Variants in PHF2 observed in about 807,000 individuals in gnomAD.
PHF2 encodes the protein PHD finger protein 2.
A neutral mutation model predicts 120.5 loss-of-function variants in PHF2; 27 were observed. That is an observed-to-expected ratio of 0.22 (90% CI 0.17 to 0.31). The LOEUF (loss-of-function observed/expected upper bound fraction) is 0.31. Ranked by LOEUF, PHF2 falls within the 10% of genes least tolerant of loss-of-function variation. The pLI is 1.00. For missense variants in PHF2, 1,024 were observed against 1,434.8 expected (o/e 0.71, Z 4.63); for synonymous variants, 568 against 592.5 (o/e 0.96, Z 0.60).
intron 1 of PHF2, among the ~76,000 whole-genome samples, chr9:93,623,091 A>G (rs1825851340): frequency 6.6e-6 from 1 of 152,098 alleles, no homozygotes; most frequent in Admixed American, 6.6e-5. Context: ...GGGTGTGGAC[A>G]TGGGGCATGG....
chr9:93,672,815 G>C (rs961729675), intron 17 of PHF2: 1 of 984,116 alleles, frequency 1.0e-6, no homozygotes, highest in Non-Finnish European at 1.2e-6. Context: ...TGCATGTATG[G>C]GTGTAGGTGT....
Position 93,660,481 on chromosome 9 carries a change from C to A in PHF2, c.1619C>A (p.Pro540His). ...AAGAAGTCCCGGGAGTCAGCCTCACCCACCATCCCCAACCTGGACCTGCTC... is the reference window on the plus strand; with the variant it reads ...AAGAAGTCCCGGGAGTCAGCCTCACACACCATCCCCAACCTGGACCTGCTC... ...KGKKSRESAS[P>H]TIPNLDLLEA... The change falls in exon 12 of 22, where the codon CCC (proline) becomes CAC (histidine). Residue 540 changes from proline to histidine, a missense_variant. Around this residue, in one of 2 missense-constraint regions of PHF2, gnomAD observed 677 missense variants for 857.4 expected, o/e 0.79. Transcript: ENST00000359246. 1.2e-6 allele frequency: 2 copies of A among 1,605,182 alleles called. No individual in the cohort carries two copies. Among genetic ancestry groups the A allele is most frequent in the South Asian group, 1.1e-5 (1 of 89,162 alleles).
intron 1 of PHF2, among the ~76,000 whole-genome samples, chr9:93,608,167 C>T (rs1024275135): frequency 5.9e-5 from 9 of 151,910 alleles, no homozygotes; most frequent in African/African-American, 2.2e-4. Flanking sequence ...TTGCCTTTTT[C>T]CTGATCTCAG....
At chr9:93,584,686 T>C (rs375285618) in intron 1 of PHF2, among the ~76,000 whole-genome samples, 39 of 152,348 alleles carry the variant, frequency 2.6e-4, no homozygotes, top group African/African-American at 9.1e-4. Context: ...AGTCCTCTGA[T>C]TTTATATTCT....
At chr9:93,643,369 G>T (rs779466400) in intron 3 of PHF2, among the ~76,000 whole-genome samples, 6 of 152,186 alleles carry the variant, frequency 3.9e-5, no homozygotes, top group Non-Finnish European at 8.8e-5. Flanking sequence ...GTGGATGGGA[G>T]GCCTTCCCTG....
chr9:93,619,096 C>G (rs1425332247), intron 1 of PHF2, among the ~76,000 whole-genome samples: 4 of 151,892 alleles, frequency 2.6e-5, no homozygotes, highest in Non-Finnish European at 5.9e-5. Context: ...GGTGGATCAC[C>G]CCCAGGCCTC....
chr9:93,663,697 C>T (rs1171486819), intron 14 of PHF2, 62 bp downstream of exon 14: 1 of 882,512 alleles, frequency 1.1e-6, no homozygotes, highest in East Asian at 2.4e-5. Flanking sequence ...ACACACCATA[C>T]ATACTGCATC....
At chr9:93,631,555 A>G (rs965086875) in intron 2 of PHF2, among the ~76,000 whole-genome samples, 3 of 152,200 alleles carry the variant, frequency 2.0e-5, no homozygotes, top group African/African-American at 7.2e-5. Flanking sequence ...AAACAGATAA[A>G]GGGTAGGAAG....
At chr9:93,627,134 A>T (rs927238847) in intron 1 of PHF2, among the ~76,000 whole-genome samples, 3 of 152,234 alleles carry the variant, frequency 2.0e-5, no homozygotes, top group Non-Finnish European at 4.4e-5. Context: ...CAGTTCATCC[A>T]CATGGAATAT....
chr9:93,651,363 C>T (rs1315763287), intron 5 of PHF2, among the ~76,000 whole-genome samples: 3 of 152,186 alleles, frequency 2.0e-5, no homozygotes, highest in African/African-American at 7.2e-5. Context: ...CCTTTCAGGG[C>T]CACCCCTTTG....
chr9:93,649,188 C>T lies in PHF2; in HGVS notation c.578C>T (p.Thr193Ile), dbSNP rs1295947095. 6.4e-7 allele frequency: 1 copy of T among 1,551,098 alleles called. No individual in the cohort carries two copies. Among genetic ancestry groups the T allele is most frequent in the Admixed American group, 2.0e-5 (1 of 50,940 alleles). Residue 193 changes from threonine to isoleucine, a missense_variant, in exon 5 of 22, where the codon ACC (threonine) becomes ATC (isoleucine). Thr to Ile is a moderately conservative substitution (Grantham distance 89). This residue lies in a region of PHF2 where 347 missense variants were observed against 577.4 expected (regional missense o/e 0.60). Transcript: ENST00000359246. The stretch of plus-strand genomic sequence containing the variant: ...AACCGCAAGCGGGTCCTCAACGTCA[C>T]CAACCTCGAGTTCTCTGACACCCGG... ...STNRKRVLNV[T>I]NLEFSDTRMS... is the part of the protein sequence containing the mutation.
Position 93,661,016 on chromosome 9 carries a change from A to G in PHF2, c.1698+456A>G, listed in dbSNP as rs990977996. 9.9e-4 allele frequency among the ~76,000 whole-genome samples: 132 copies of G among 133,034 alleles called. 2 individuals carry two copies. The highest frequency in any genetic ancestry group is 7.3e-5 in the Admixed American group (1 of 13,792). The allele number at this position is 133,034 out of a possible 152,430, so 87.3% of individuals were successfully genotyped here. On this transcript the variant is annotated intron_variant, in intron 12 of 21. Transcript: ENST00000359246. ...CCTGGGTCCTCCCTGGGGCCAAGACATTGAGGTTGAAACCTGAAGGTAGAT... is the reference window on the plus strand; with the variant it reads ...CCTGGGTCCTCCCTGGGGCCAAGACGTTGAGGTTGAAACCTGAAGGTAGAT...
intron 17 of PHF2, chr9:93,672,511 T>C (rs1826824079): frequency 1.0e-6 from 1 of 984,344 alleles, no homozygotes; most frequent in Non-Finnish European, 1.2e-6. Context: ...CAGGTATGGG[T>C]GTAGGTACAG....
intron 17 of PHF2, among the ~76,000 whole-genome samples, chr9:93,667,556 C>T (rs1160232021): frequency 2.0e-5 from 3 of 151,958 alleles, no homozygotes; most frequent in Admixed American, 1.3e-4. Context: ...GTACTACAGA[C>T]GGGTAACTCA....
At chr9:93,674,484 T>C (rs1256608510) in intron 18 of PHF2, among the ~76,000 whole-genome samples, 1 of 152,196 alleles carries the variant, frequency 6.6e-6, no homozygotes, top group Non-Finnish European at 1.5e-5. Flanking sequence ...GTGTTTCTCT[T>C]GCAGGAACTG....
chr9:93,678,972 A>C lies in PHF2; in HGVS notation c.*1296A>C. 1 of 309,834 alleles carries C rather than the reference A, an allele frequency of 3.2e-6. No homozygotes were observed. The highest frequency in any genetic ancestry group is 6.3e-6 in the Non-Finnish European group (1 of 159,980). The allele number at this position is 309,834 out of a possible 1,614,324, so 19.2% of individuals were successfully genotyped here. A position where few individuals can be genotyped will look rare whatever the true frequency, so the allele number is the denominator to read the frequency against. On this transcript the variant is annotated 3_prime_UTR_variant, in exon 22 of 22. Transcript: ENST00000359246. ...TCTTTACAGAAGCAAATAGTACACA[A>C]AAGATCTATTTCAGACACATTTTGA...
chr9:93,671,390 G>A lies in PHF2; in HGVS notation c.2349-2195G>A, dbSNP rs984924086. Among the ~76,000 whole-genome samples the A allele has an allele frequency of 3.7e-5, 5 of 133,690 alleles. 1 individual carries two copies. The highest frequency in any genetic ancestry group is 1.4e-4 in the African/African-American group (5 of 35,140). The allele number at this position is 133,690 out of a possible 152,430, so 87.7% of individuals were successfully genotyped here. A position where few individuals can be genotyped will look rare whatever the true frequency, so the allele number is the denominator to read the frequency against. On this transcript the variant is annotated intron_variant, in intron 17 of 21. Coordinates refer to ENST00000359246, the MANE Select transcript of PHF2 (RefSeq NM_005392.4). ...GGTGTGGGTGTGGATGTAGGTACAG[G>A]TGTAGATGCAGATGTGGGTGTGGAT...
intron 1 of PHF2, among the ~76,000 whole-genome samples, chr9:93,623,204 T>TA (rs1825853441): frequency 6.6e-6 from 1 of 152,186 alleles, no homozygotes; most frequent in African/African-American, 2.4e-5. Context: ...ATGTGGATTC[T>TA]GGGTCTAATT....
chr9:93,644,919 A>G (rs1420544966), intron 3 of PHF2, among the ~76,000 whole-genome samples: 1 of 152,016 alleles, frequency 6.6e-6, no homozygotes, highest in Non-Finnish European at 1.5e-5. Context: ...GGTGGTGGCC[A>G]TGTCTAGTAG....
Sources: allele counts gnomAD v4.1 joint callset (sites outside exome capture counted in the v4.1 genomes callset), GRCh38; gene constraint gnomAD v4.1.1; regional missense constraint gnomAD v4.1.1; transcripts MANE v1.5; gene names NCBI Gene and HGNC (gene_info 2026-07-23, HGNC 2026-07-21).